Variants in LRP1B observed in about 807,000 individuals in gnomAD.
The protein encoded by LRP1B is low-density lipoprotein receptor-related protein 1B.
A neutral mutation model predicts 556.6 loss-of-function variants in LRP1B; 217 were observed. That is an observed-to-expected ratio of 0.39 (90% CI 0.35 to 0.44). LRP1B has a LOEUF of 0.44. Among genes scored for constraint, LRP1B ranks in the 20% least tolerant of loss-of-function variants. LRP1B has a pLI of 1.00. For synonymous variants in LRP1B, 2,047 were observed against 1,865.8 expected (o/e 1.10, Z -2.50); for missense variants, 5,053 against 5,620.8 (o/e 0.90, Z 3.23).
Position 140,989,600 on chromosome 2 carries a change from T to C in LRP1B, c.2702A>G (p.Lys901Arg). ...ATTAGCTCCATCACAAAGCCATCTC[T>C]TGGGGATGCAGCGATTATTCTGGCA... ...FKCQNNRCIP[K>R]RWLCDGANDC... Residue 901 changes from lysine to arginine, a missense_variant, in exon 17 of 91, where the codon AAG (lysine) becomes AGG (arginine). Lys to Arg is a conservative substitution (Grantham distance 26, BLOSUM62 2). Around this residue, in one of 5 missense-constraint regions of LRP1B, gnomAD observed 3,619 missense variants for 3,931.9 expected, o/e 0.92. Transcript: ENST00000389484. 1.2e-6 allele frequency: 2 copies of C among 1,612,844 alleles called. No individual in the cohort carries two copies. Among genetic ancestry groups the C allele is most frequent in the Non-Finnish European group, 8.5e-7 (1 of 1,179,142 alleles).
In LRP1B at chr2:140,552,979, A is replaced by G. The variant is rs146923657; in HGVS notation, c.7195-11008T>C. ...GTGAAAGCACTCAAACCAGTAAAAA[A>G]TAAACCTGAATGTAAAAATATTCAG... On this transcript the variant is annotated intron_variant, in intron 43 of 90. Coordinates refer to ENST00000389484, the MANE Select transcript of LRP1B (RefSeq NM_018557.3). Among the ~76,000 whole-genome samples, 465 of 152,222 alleles carry G rather than the reference A, an allele frequency of 3.1e-3. 2 individuals carry two copies. Among genetic ancestry groups the G allele is most frequent in the South Asian group, 5.2e-3 (25 of 4,820 alleles).
intron 7 of LRP1B, among the ~76,000 whole-genome samples, chr2:141,178,150 T>C (rs1680821064): frequency 6.6e-6 from 1 of 152,106 alleles, no homozygotes; most frequent in South Asian, 2.1e-4. Context: ...ATAAACAGTT[T>C]ATGAAATACA....
At chr2:141,801,216 T>G (rs1695995287) in intron 2 of LRP1B, among the ~76,000 whole-genome samples, 1 of 152,158 alleles carries the variant, frequency 6.6e-6, no homozygotes, top group Admixed American at 6.6e-5. Context: ...GTTATACATT[T>G]CTACTGTTTT....
At chr2:141,124,161 G>A (rs1701137994) in intron 7 of LRP1B, among the ~76,000 whole-genome samples, 1 of 152,184 alleles carries the variant, frequency 6.6e-6, no homozygotes, top group African/African-American at 2.4e-5. Flanking sequence ...AAGCATAAAA[G>A]TGGTGGCCAA....
intron 3 of LRP1B, among the ~76,000 whole-genome samples, chr2:141,386,794 T>C (rs1298526980): frequency 6.6e-6 from 1 of 152,020 alleles, no homozygotes; most frequent in Non-Finnish European, 1.5e-5. Flanking sequence ...TATACTACTT[T>C]CAATAATAAT....
At chr2:141,393,955 T>C (rs943725142) in intron 3 of LRP1B, among the ~76,000 whole-genome samples, 65 of 152,152 alleles carry the variant, frequency 4.3e-4, no homozygotes, top group African/African-American at 1.4e-3. Flanking sequence ...TTATCTTATT[T>C]GATATACCTA....
intron 7 of LRP1B, among the ~76,000 whole-genome samples, chr2:141,100,997 G>A (rs1700446589): frequency 6.6e-6 from 1 of 152,104 alleles, no homozygotes; most frequent in Non-Finnish European, 1.5e-5. Context: ...TTGGAGGTAA[G>A]AGGGGGTAGA....
intron 3 of LRP1B, among the ~76,000 whole-genome samples, chr2:141,371,857 T>C (rs1689241169): frequency 7.6e-6 from 1 of 132,082 alleles, no homozygotes; most frequent in African/African-American, 3.1e-5. Flanking sequence ...GATATTTTTA[T>C]TTTTTTTCTC....
chr2:142,099,026 T>A (rs1414157593), intron 1 of LRP1B, among the ~76,000 whole-genome samples: 1 of 151,854 alleles, frequency 6.6e-6, no homozygotes, highest in Non-Finnish European at 1.5e-5. Flanking sequence ...GACAGGCAAC[T>A]AACTCTCAGG....
At chr2:141,487,931 G>A (rs1415624083) in intron 2 of LRP1B, among the ~76,000 whole-genome samples, 1 of 152,116 alleles carries the variant, frequency 6.6e-6, no homozygotes, top group Admixed American at 6.6e-5. Context: ...TTTCACATTT[G>A]AAAAATAGGG....
At position 140,485,846 on chromosome 2, in the gene LRP1B, TAC is replaced by T. The variant is rs10696198; in HGVS notation, c.9244-324_9244-323del. Among the ~76,000 whole-genome samples the T allele has an allele frequency of 2.3e-3, 324 of 142,350 alleles. 3 individuals are homozygous for T. Among genetic ancestry groups the T allele is most frequent in the African/African-American group, 4.0e-3 (151 of 38,078 alleles). The allele number at this position is 142,350 out of a possible 152,430, so 93.4% of individuals were successfully genotyped here. A position where few individuals can be genotyped will look rare whatever the true frequency, so the allele number is the denominator to read the frequency against. On this transcript the variant is annotated intron_variant, in intron 58 of 90. Coordinates refer to ENST00000389484, the MANE Select transcript of LRP1B (RefSeq NM_018557.3). ...ATTTGGGACAAAATTCTCACGCACA[TAC>T]ACACACACACACACACACACACACA...
chr2:142,003,477 G>T (rs1702716197), intron 1 of LRP1B, among the ~76,000 whole-genome samples: 1 of 152,170 alleles, frequency 6.6e-6, no homozygotes, highest in Non-Finnish European at 1.5e-5. Flanking sequence ...CAGGGAGTGT[G>T]ACTTAAGATG....
At chr2:140,299,222 A>G (rs1573753172) in intron 83 of LRP1B, among the ~76,000 whole-genome samples, 1 of 152,224 alleles carries the variant, frequency 6.6e-6, no homozygotes, top group Non-Finnish European at 1.5e-5. Context: ...AAATCTTTTG[A>G]GAAACATTCC....
intron 1 of LRP1B, among the ~76,000 whole-genome samples, chr2:142,063,264 G>C (rs1303633760): frequency 6.6e-6 from 1 of 151,466 alleles, no homozygotes; most frequent in Non-Finnish European, 1.5e-5. Context: ...GCAATTGATG[G>C]AGTCGTGTTC....
chr2:142,045,144 A>G (rs201367613), intron 1 of LRP1B, among the ~76,000 whole-genome samples: 191 of 4,650 alleles, frequency 0.041, no homozygotes, highest in East Asian at 0.23. Flanking sequence ...CCAAGGGGGA[A>G]AAAAAAAAAA....
chr2:140,820,846 C>T (rs1245682786), intron 31 of LRP1B, among the ~76,000 whole-genome samples: 1 of 151,250 alleles, frequency 6.6e-6, no homozygotes, highest in Non-Finnish European at 1.5e-5. Flanking sequence ...CTCTTTTATG[C>T]CTTTTATGCC....
chr2:141,606,436 A>C (rs1687920351), intron 2 of LRP1B, among the ~76,000 whole-genome samples: 1 of 152,232 alleles, frequency 6.6e-6, no homozygotes, highest in African/African-American at 2.4e-5. Flanking sequence ...TATGCAGTGA[A>C]AAATAGCATG....
intron 41 of LRP1B, among the ~76,000 whole-genome samples, chr2:140,692,835 G>T (rs896491456): frequency 3.3e-5 from 5 of 150,568 alleles, no homozygotes; most frequent in Admixed American, 6.6e-5. Flanking sequence ...CCTGATTTTT[G>T]TGTATCATTT....
intron 3 of LRP1B, among the ~76,000 whole-genome samples, chr2:141,355,365 G>A (rs1688589357): frequency 6.6e-6 from 1 of 151,812 alleles, no homozygotes; most frequent in Non-Finnish European, 1.5e-5. Context: ...CCCTGGTTTT[G>A]AGTATACCTA....
Sources: gnomAD v4.1 joint callset for allele counts (sites outside exome capture counted in the v4.1 genomes callset) on GRCh38, gnomAD v4.1.1 for gene constraint, gnomAD v4.1.1 regional missense constraint, MANE v1.5 for transcripts, NCBI Gene and HGNC (gene_info 2026-07-23, HGNC 2026-07-21) for gene names.